The following PEAK1 variants were observed in gnomAD, a reference collection of about 807,000 sequenced individuals.
PEAK1 encodes the protein pseudopodium enriched atypical kinase 1, also known as inactive tyrosine-protein kinase PEAK1.
In PEAK1, 54 loss-of-function variants were observed where a neutral mutation model predicts 124.7. The ratio of observed to expected loss-of-function variants is 0.43; its 90% CI spans 0.35 to 0.54. The LOEUF is 0.54. Ranked by LOEUF, PEAK1 falls within the 20% of genes least tolerant of loss-of-function variation. PEAK1 has a pLI of 0.01. For synonymous variants in PEAK1, 719 were observed against 760.0 expected, an observed-to-expected ratio of 0.95 and a Z score of 0.89; for missense variants, 2,046 against 2,134.5, an observed-to-expected ratio of 0.96 and a Z score of 0.82.
chr15:77,237,772 A>G (rs1312695060), intron 6 of PEAK1, among the ~76,000 whole-genome samples: 2 of 152,170 alleles, frequency 1.3e-5, no homozygotes, highest in African/African-American at 2.4e-5. Flanking sequence ...AAGTGAATTC[A>G]TATCTATAAA....
chr15:77,155,674 C>T (rs2055064606), intron 8 of PEAK1: 1 of 152,170 alleles, frequency 6.6e-6, no homozygotes, highest in South Asian at 2.1e-4. Context: ...TGTGGATGTC[C>T]TTTCTGTTTG....
intron 2 of PEAK1, among the ~76,000 whole-genome samples, chr15:77,304,383 C>T (rs11857294): frequency 0.65 from 98,469 of 150,734 alleles, 33,144 homozygotes; most frequent in Non-Finnish European, 0.75. Flanking sequence ...GATATCTGTA[C>T]GTATATTTTT....
At chr15:77,262,915 A>G (rs1327393481) in intron 5 of PEAK1, among the ~76,000 whole-genome samples, 3 of 152,240 alleles carry the variant, frequency 2.0e-5, no homozygotes, top group African/African-American at 4.8e-5. Flanking sequence ...CTCAGGCCAC[A>G]GTACAATCAA....
chr15:77,299,313 T>A (rs1225035439), intron 2 of PEAK1, among the ~76,000 whole-genome samples: 1 of 152,340 alleles, frequency 6.6e-6, no homozygotes, highest in Admixed American at 6.5e-5. Flanking sequence ...TTAAAAATAA[T>A]TTCAAACAGA....
chr15:77,409,203 G>A (rs752067620), intron 1 of PEAK1, among the ~76,000 whole-genome samples: 3 of 139,210 alleles, frequency 2.2e-5, no homozygotes, highest in Non-Finnish European at 4.6e-5. Flanking sequence ...TGTCAATGTG[G>A]GTGAAAGTAT....
At chr15:77,255,352 AT>A (rs1311764790) in intron 5 of PEAK1, 42 of 980,180 alleles carry the variant, frequency 4.3e-5, no homozygotes, top group Non-Finnish European at 4.8e-5. Context: ...CTGACTCTCC[AT>A]TTATTCCAAG....
At chr15:77,330,497 T>C (rs2065830493) in intron 2 of PEAK1, among the ~76,000 whole-genome samples, 1 of 152,112 alleles carries the variant, frequency 6.6e-6, no homozygotes, top group South Asian at 2.1e-4. Context: ...CAAAAGGTCC[T>C]ACAAGGTCCT....
intron 2 of PEAK1, among the ~76,000 whole-genome samples, chr15:77,300,784 C>T (rs891967086): frequency 3.9e-5 from 6 of 151,950 alleles, no homozygotes; most frequent in Non-Finnish European, 1.5e-5. Context: ...TGACTGTATT[C>T]GTTTCCTGTG....
At chr15:77,192,804 C>T (rs973255347) in intron 6 of PEAK1, among the ~76,000 whole-genome samples, 1 of 152,072 alleles carries the variant, frequency 6.6e-6, no homozygotes, top group South Asian at 2.1e-4. Context: ...ACTTATCAAA[C>T]TCTCTAGGCC....
At chr15:77,120,616 C>A (rs954176078) in intron 9 of PEAK1, among the ~76,000 whole-genome samples, 1 of 152,216 alleles carries the variant, frequency 6.6e-6, no homozygotes, top group Non-Finnish European at 1.5e-5. Context: ...GCCTGGACAA[C>A]CACAAAAGCT....
intron 9 of PEAK1, among the ~76,000 whole-genome samples, chr15:77,118,039 T>A (rs899275632): frequency 6.6e-6 from 1 of 152,214 alleles, no homozygotes; most frequent in Non-Finnish European, 1.5e-5. Flanking sequence ...ATAAATTGTT[T>A]CACGATTTTG....
Position 77,180,068 on chromosome 15 carries a change from G to A in PEAK1, c.1859C>T (p.Ser620Phe), listed in dbSNP as rs756515964. Residue 620 changes from serine to phenylalanine, a missense_variant, in exon 7 of 10, where the codon TCC becomes TTC. By Grantham distance (155) the Ser-to-Phe change is radical. Coordinates refer to ENST00000682557, the MANE Select transcript of PEAK1 (RefSeq NM_001385026.1). ...AATGGGAACTTTGATAGCATTTTTG[G>A]AACTCCGAGCATAAGTTGGCTCGTC... ...IHDEPTYARS[S>F]KNAIKVPIVI... The A allele has an allele frequency of 6.2e-7, 1 of 1,613,972 alleles. No homozygotes were observed. The highest frequency in any genetic ancestry group is 2.2e-5 in the East Asian group (1 of 44,886).
intron 6 of PEAK1, among the ~76,000 whole-genome samples, chr15:77,246,758 G>T (rs190967454): frequency 6.6e-6 from 1 of 152,088 alleles, no homozygotes; most frequent in South Asian, 2.1e-4. Context: ...GGTGGCTCAC[G>T]CCTGCAATCC....
chr15:77,200,495 C>G (rs542438125), intron 6 of PEAK1, among the ~76,000 whole-genome samples: 10 of 152,080 alleles, frequency 6.6e-5, no homozygotes, highest in Non-Finnish European at 1.5e-4. Context: ...TAGCCCCAGA[C>G]CTACTGAATC....
At chr15:77,395,584 T>C (rs563890629) in intron 1 of PEAK1, among the ~76,000 whole-genome samples, 1 of 152,040 alleles carries the variant, frequency 6.6e-6, no homozygotes, top group South Asian at 2.1e-4. Flanking sequence ...TAACATACAG[T>C]GTAGCTCCAA....
In PEAK1 at chr15:77,289,611, G is replaced by A. The variant is rs537761993; in HGVS notation, c.-602-3107C>T. The stretch of plus-strand genomic sequence containing the variant: ...AGCACTTTGGGAGGCCGAGGCTGGC[G>A]GATCACCTGTGGTCAGGAGCTCGAG... On this transcript the variant is annotated intron_variant, in intron 2 of 9. Transcript: ENST00000682557. Among the ~76,000 whole-genome samples, 14 of 152,228 alleles carry A rather than the reference G, an allele frequency of 9.2e-5. 1 individual carries two copies. In the East Asian group the frequency reaches 1.7e-3, roughly 19 times the overall value.
chr15:77,358,246 T>A (rs563982491), intron 2 of PEAK1, among the ~76,000 whole-genome samples: 19 of 152,224 alleles, frequency 1.2e-4, no homozygotes, highest in Admixed American at 6.5e-4. Flanking sequence ...TTCAAGCCTC[T>A]CCTATATTAA....
intron 6 of PEAK1, among the ~76,000 whole-genome samples, chr15:77,198,995 T>A (rs1249695516): frequency 6.6e-6 from 1 of 152,202 alleles, no homozygotes; most frequent in African/African-American, 2.4e-5. Flanking sequence ...CATCTATTTG[T>A]ATGGAAGAGA....
chr15:77,128,107 G>A (rs1212524219), intron 9 of PEAK1, among the ~76,000 whole-genome samples: 1 of 151,360 alleles, frequency 6.6e-6, no homozygotes, highest in African/African-American at 2.4e-5. Flanking sequence ...GGGAAAGCTT[G>A]TTCTAAGAGA....
Sources: gnomAD v4.1 joint callset for allele counts (sites outside exome capture counted in the v4.1 genomes callset) on GRCh38, gnomAD v4.1.1 for gene constraint, MANE v1.5 for transcripts, NCBI Gene and HGNC (gene_info 2026-07-23, HGNC 2026-07-21) for gene names.